Variants in INPP4B observed in about 807,000 individuals in gnomAD.
The protein encoded by INPP4B is inositol polyphosphate-4-phosphatase type II B, also known as inositol polyphosphate 4-phosphatase type II.
INPP4B carries 55 observed loss-of-function variants against 122.5 expected under a neutral mutation model. The ratio of observed to expected loss-of-function variants is 0.45; its 90% confidence interval spans 0.36 to 0.56. The LOEUF (loss-of-function observed/expected upper bound fraction) is 0.56, where lower values mean the gene tolerates loss of function less well. Among genes scored for constraint, INPP4B ranks in the 20% least tolerant of loss-of-function variants. The pLI, the probability that INPP4B is intolerant of heterozygous loss-of-function variation, is 0.00. For missense variants in INPP4B, 1,000 were observed against 1,097.7 expected, an observed-to-expected ratio of 0.91 and a Z score of 1.26; for synonymous variants, 403 against 388.7, an observed-to-expected ratio of 1.04 and a Z score of -0.43.
At chr4:142,478,303 A>G (rs530518859) in intron 2 of INPP4B, among the ~76,000 whole-genome samples, 2 of 152,242 alleles carry the variant, frequency 1.3e-5, no homozygotes, top group African/African-American at 2.4e-5. Context: ...AGAACTTCCC[A>G]TATTATATTG....
At position 142,782,105 on chromosome 4, in the gene INPP4B, T is replaced by C. The variant is rs187304940; in HGVS notation, c.-253-56204A>G. On this transcript the variant is annotated intron_variant, in intron 1 of 25. Coordinates refer to ENST00000262992, the MANE Select transcript of INPP4B (RefSeq NM_001101669.3). ...CATTAACTCATCATTTAGCATTAGG[T>C]ATATCTCCTAATGCTATCCCTCCCC... Among the ~76,000 whole-genome samples, 897 of 152,132 alleles carry C rather than the reference T, an allele frequency of 5.9e-3. 7 individuals carry two copies. The highest frequency in any genetic ancestry group is 0.011 in the Non-Finnish European group (716 of 67,976).
intron 1 of INPP4B, among the ~76,000 whole-genome samples, chr4:142,793,409 T>C (rs188134440): frequency 2.9e-4 from 44 of 152,192 alleles, no homozygotes; most frequent in African/African-American, 9.9e-4. Context: ...AGCAGAACTA[T>C]GAGCAGGATG....
At chr4:142,343,201 CCAG>C (rs1779235263) in intron 7 of INPP4B, among the ~76,000 whole-genome samples, 1 of 152,024 alleles carries the variant, frequency 6.6e-6, no homozygotes, top group Admixed American at 6.6e-5. Context: ...TTGAATATTA[CCAG>C]CATAGGAGCT....
At chr4:142,234,758 A>G (rs1403836252) in intron 12 of INPP4B, among the ~76,000 whole-genome samples, 1 of 152,154 alleles carries the variant, frequency 6.6e-6, no homozygotes, top group African/African-American at 2.4e-5. Context: ...TCTTTGAACA[A>G]TTCCAGTTTC....
chr4:142,435,187 A>G (rs1810166280), intron 3 of INPP4B, among the ~76,000 whole-genome samples: 1 of 152,164 alleles, frequency 6.6e-6, no homozygotes, highest in Non-Finnish European at 1.5e-5. Context: ...AGCAGGGAAA[A>G]GGGGAGTTAG....
intron 7 of INPP4B, among the ~76,000 whole-genome samples, chr4:142,370,603 C>T (rs1789531707): frequency 6.6e-6 from 1 of 151,886 alleles, no homozygotes; most frequent in Non-Finnish European, 1.5e-5. Flanking sequence ...AGCAAATTTA[C>T]AGGATACAAA....
intron 2 of INPP4B, among the ~76,000 whole-genome samples, chr4:142,656,529 G>T (rs956717406): frequency 6.6e-6 from 1 of 152,118 alleles, no homozygotes; most frequent in Non-Finnish European, 1.5e-5. Flanking sequence ...CTGCTGAGCA[G>T]CAGCTCCCTG....
chr4:142,072,991 C>T (rs1194497985), intron 25 of INPP4B, among the ~76,000 whole-genome samples: 1 of 152,060 alleles, frequency 6.6e-6, no homozygotes, highest in Admixed American at 6.6e-5. Flanking sequence ...TCCTCTTACC[C>T]ACTTTATGTG....
Position 142,026,466 on chromosome 4 carries a change from C to T in INPP4B, c.*2316G>A, listed in dbSNP as rs1217051743. The stretch of plus-strand genomic sequence containing the variant: ...TATAATTTGAGACTTCTATATTATT[C>T]ATTTATTTACTTATTTAAAGATGGA... On this transcript the variant is annotated 3_prime_UTR_variant, in exon 26 of 26. Transcript: ENST00000262992. 1.8e-4 allele frequency: 28 copies of T among 152,104 alleles called. No individual in the cohort carries two copies. The highest frequency in any genetic ancestry group is 5.9e-5 in the Non-Finnish European group (4 of 68,020). The allele number at this position is 152,104 out of a possible 1,614,324, so 9.4% of individuals were successfully genotyped here.
At chr4:142,801,085 A>G (rs1777933075) in intron 1 of INPP4B, among the ~76,000 whole-genome samples, 1 of 152,120 alleles carries the variant, frequency 6.6e-6, no homozygotes, top group African/African-American at 2.4e-5. Context: ...AGCAGATTAA[A>G]GTAGTGAAAA....
At chr4:142,490,939 A>T (rs1821794174) in intron 2 of INPP4B, among the ~76,000 whole-genome samples, 1 of 152,134 alleles carries the variant, frequency 6.6e-6, no homozygotes, top group Admixed American at 6.6e-5. Flanking sequence ...CATTGTGTAT[A>T]TATACATTTT....
chr4:142,277,529 G>A (rs1161694803), intron 9 of INPP4B, among the ~76,000 whole-genome samples: 1 of 151,766 alleles, frequency 6.6e-6, no homozygotes. Context: ...CCCACTACCA[G>A]GTATCTACCC....
At chr4:142,530,861 A>AG in intron 2 of INPP4B, among the ~76,000 whole-genome samples, 1 of 152,146 alleles carries the variant, frequency 6.6e-6, no homozygotes, top group East Asian at 1.9e-4. Flanking sequence ...GCTAGGGAGC[A>AG]GGGGAGGAGG....
chr4:142,144,277 C>T (rs1809482684), intron 18 of INPP4B, among the ~76,000 whole-genome samples: 1 of 147,626 alleles, frequency 6.8e-6, no homozygotes, highest in African/African-American at 2.5e-5. Flanking sequence ...TGTATAATTT[C>T]AAATATTTTG....
At chr4:142,123,518 G>C in intron 19 of INPP4B, 103 bp from the exon 20 acceptor site, 1 of 1,079,552 alleles carries the variant, frequency 9.3e-7, no homozygotes, top group Non-Finnish European at 1.3e-6. Context: ...CGATTATCAG[G>C]TATGTATAAC....
At chr4:142,290,798 A>T (rs1756126354) in intron 9 of INPP4B, among the ~76,000 whole-genome samples, 1 of 152,140 alleles carries the variant, frequency 6.6e-6, no homozygotes, top group South Asian at 2.1e-4. Context: ...GTATGACCAA[A>T]GACAGCTAGG....
chr4:142,247,634 G>T (rs1729580827), intron 11 of INPP4B, among the ~76,000 whole-genome samples: 2 of 152,050 alleles, frequency 1.3e-5, no homozygotes, highest in African/African-American at 4.8e-5. Context: ...GGTCAGTGGT[G>T]ATCTCCCCTT....
In INPP4B at chr4:142,145,960, A is replaced by G; in HGVS notation, c.1600T>C (p.Cys534Arg). ...VWANVGKSLN[C>R]IIAMVDKLIE... ...AGTTTGTCCACCATAGCAATAATGC[A>G]GTTCAGGCTCTTCCCCACATTGGCC... is the stretch of plus-strand genomic sequence containing the variant. The change falls in exon 18 of 26, where the codon TGC becomes CGC. Residue 534 changes from cysteine to arginine, a missense_variant. Coordinates refer to ENST00000262992, the MANE Select transcript of INPP4B (RefSeq NM_001101669.3). 1 of 1,613,776 alleles carries G rather than the reference A, an allele frequency of 6.2e-7. No individual in the cohort carries two copies. The highest frequency in any genetic ancestry group is 8.5e-7 in the Non-Finnish European group (1 of 1,179,706).
rs572330151 is a variant in INPP4B, at chr4:142,469,885, A to G, written c.-190-7159T>C. ...ATAGCGAACCTAAACCCAATGTATA[A>G]TAAAGTGAGCACCACAAATTTATAA... On this transcript the variant is annotated intron_variant, in intron 2 of 25. Coordinates refer to ENST00000262992, the MANE Select transcript of INPP4B (RefSeq NM_001101669.3). 9.2e-5 allele frequency among the ~76,000 whole-genome samples: 14 copies of G among 152,284 alleles called. No individual in the cohort carries two copies. The South Asian group carries it at 1.7e-3, about 18-fold the overall frequency.
Sources: allele counts gnomAD v4.1 joint callset (sites outside exome capture counted in the v4.1 genomes callset), GRCh38; gene constraint gnomAD v4.1.1; transcripts MANE v1.5; gene names NCBI Gene and HGNC (gene_info 2026-07-23, HGNC 2026-07-21).